The following DIO2 variants were observed in gnomAD, a reference collection of about 807,000 sequenced individuals.
The protein encoded by DIO2 is type II iodothyronine deiodinase.
Under a neutral mutation model 21.4 loss-of-function variants are expected in DIO2, and 19 were observed. The observed-to-expected ratio is 0.89, with a 90% CI of 0.62 to 1.30. The LOEUF is 1.30. Ranked by LOEUF, DIO2 falls within the 50% of genes most tolerant of loss-of-function variation. DIO2 has a pLI of 0.00. For missense variants in DIO2, 302 were observed against 338.1 expected (o/e 0.89, Z 0.84); for synonymous variants, 122 against 132.9 (o/e 0.92, Z 0.57).
chr14:80,216,245 T>C (rs1888350612), upstream of DIO2: 1 of 152,092 alleles, frequency 6.6e-6, no homozygotes, highest in South Asian at 2.1e-4. Context: ...TGGTAGGAGA[T>C]AGGCAGGGAA....
In DIO2 at chr14:80,202,375, C is replaced by T. The variant is rs752203998; in HGVS notation, c.*314G>A. On this transcript the variant is annotated 3_prime_UTR_variant, in exon 2 of 2. Transcript: ENST00000438257. ...TAAGTCTTTTCTTCTGGTCTCAAAG[C>T]ATGCATCAGATGTATCAGTTCCTTC... is the stretch of plus-strand genomic sequence containing the variant. The T allele has an allele frequency of 6.7e-6, 4 of 598,028 alleles. No homozygotes were observed. Among genetic ancestry groups the T allele is most frequent in the South Asian group, 4.1e-5 (3 of 72,310 alleles). The allele number at this position is 598,028 out of a possible 1,614,324, so 37.0% of individuals were successfully genotyped here. A position where few individuals can be genotyped will look rare whatever the true frequency, so the allele number is the denominator to read the frequency against.
At chr14:80,219,618 A>C (rs1176562257) in intron 2 of DIO2, 1 of 152,088 alleles carries the variant, frequency 6.6e-6, no homozygotes, top group Non-Finnish European at 1.5e-5. Context: ...GAGTCTCAAA[A>C]ATGTTTAGAG....
At chr14:80,225,677 T>C (rs866229134) in intron 2 of DIO2, among the ~76,000 whole-genome samples, 11 of 152,196 alleles carry the variant, frequency 7.2e-5, no homozygotes, top group African/African-American at 2.7e-4. Context: ...GGGTTTTTTT[T>C]CCTGGTGAAG....
At position 80,201,462 on chromosome 14, in the gene DIO2, G is replaced by A. The variant is rs747626833; in HGVS notation, c.*1227C>T. 8 of 152,178 alleles carry A rather than the reference G, an allele frequency of 5.3e-5. No homozygotes were observed. The highest frequency in any genetic ancestry group is 2.1e-4 in the South Asian group (1 of 4,818). The allele number at this position is 152,178 out of a possible 1,614,324, so 9.4% of individuals were successfully genotyped here. ...TGAATGGCCATGGTACCTACCTCCCGCAGCAGCTGAGAATATATATACATA... is the reference window on the plus strand; with the variant it reads ...TGAATGGCCATGGTACCTACCTCCCACAGCAGCTGAGAATATATATACATA... On this transcript the variant is annotated 3_prime_UTR_variant, in exon 2 of 2. Transcript: ENST00000438257.
At chr14:80,213,960 G>A (rs1287721993), upstream of DIO2, among the ~76,000 whole-genome samples, 3 of 152,116 alleles carry the variant, frequency 2.0e-5, no homozygotes, top group Non-Finnish European at 4.4e-5. Context: ...CCTTCCCTAT[G>A]ACTAGCATAC....
At chr14:80,211,703 C>T (rs998741677), upstream of DIO2, 26 of 294,060 alleles carry the variant, frequency 8.8e-5, no homozygotes, top group Non-Finnish European at 1.5e-4. Context: ...TTGGAGTGTG[C>T]CCATCAATTC....
At position 80,202,744 on chromosome 14, in the gene DIO2, T is replaced by C. The variant is rs1299537745; in HGVS notation, c.767A>G (p.His256Arg). ...PFSYNLQEVR[H>R]WLEKNFSKRU... is the part of the protein sequence containing the mutation. ...CTTGCTGAAATTCTTCTCCAGCCAA[T>C]GCCGGACTTCTTGAAGGTTGTAGGA... The change falls in exon 2 of 2, where the codon CAT (histidine) becomes CGT (arginine). Residue 256 changes from histidine to arginine, a missense_variant. By Grantham distance (29) the His-to-Arg change is conservative (BLOSUM62 0). Transcript: ENST00000438257. 1.9e-6 allele frequency: 3 copies of C among 1,613,850 alleles called. No individual in the cohort carries two copies. The highest frequency in any genetic ancestry group is 2.5e-6 in the Non-Finnish European group (3 of 1,179,866).
intron 2 of DIO2, among the ~76,000 whole-genome samples, chr14:80,221,370 G>A (rs1474690994): frequency 6.6e-6 from 1 of 152,152 alleles, no homozygotes; most frequent in Non-Finnish European, 1.5e-5. Flanking sequence ...AGAAACCAAT[G>A]TTTTGTCTGA....
chr14:80,221,928 C>G lies in DIO2; in HGVS notation c.-277-5191G>C, dbSNP rs191437113. 5.0e-3 allele frequency among the ~76,000 whole-genome samples: 756 copies of G among 152,218 alleles called. 6 individuals carry two copies. Among genetic ancestry groups the G allele is most frequent in the African/African-American group, 0.017 (708 of 41,530 alleles). On this transcript the variant is annotated intron_variant, in intron 2 of 4. Transcript: ENST00000553594. The stretch of plus-strand genomic sequence containing the variant: ...ATCTGTCATCTTCTCAACTATTTAC[C>G]ATTCCAGAACAATCCCAAGCCCAGA...
intron 2 of DIO2, among the ~76,000 whole-genome samples, chr14:80,224,153 T>C (rs1438399751): frequency 1.3e-5 from 2 of 152,294 alleles, no homozygotes; most frequent in East Asian, 3.9e-4. Context: ...CTACCACTAT[T>C]AGATTCATTT....
rs568597358 is a variant in DIO2, at chr14:80,218,259, C to A, written c.-277-1522G>T. ...CAAACAAAAAAAAAACAGATCCTGG[C>A]AGGCAGGCCACATATTATTTTTAGT... On this transcript the variant is annotated intron_variant, in intron 2 of 4. Coordinates refer to the DIO2 transcript ENST00000553594. Among the ~76,000 whole-genome samples, 12 of 152,004 alleles carry A rather than the reference C, an allele frequency of 7.9e-5. No individual in the cohort carries two copies. In the East Asian group the frequency reaches 2.1e-3, roughly 27 times the overall value.
chr14:80,222,578 C>CA (rs1398408870), intron 2 of DIO2, among the ~76,000 whole-genome samples: 2 of 152,042 alleles, frequency 1.3e-5, no homozygotes, highest in Non-Finnish European at 2.9e-5. Flanking sequence ...CTTGAAAATG[C>CA]AAAAAATTTC....
In DIO2 at chr14:80,200,914, A is replaced by C. The variant is rs997201946; in HGVS notation, c.*1775T>G. On this transcript the variant is annotated 3_prime_UTR_variant, in exon 2 of 2. Coordinates refer to ENST00000438257, the MANE Select transcript of DIO2 (RefSeq NM_013989.5). ...ACAACTAGTTTAAGAATGTATTTTC[A>C]ACTTTAGTTTTTTTCTATCCATTTT... The C allele has an allele frequency of 1.1e-4, 16 of 152,102 alleles. No individual in the cohort carries two copies. The highest frequency in any genetic ancestry group is 9.2e-4 in the Admixed American group (14 of 15,252). 9.4% of individuals were successfully genotyped at this position (152,102 alleles called of 1,614,324 possible). A position where few individuals can be genotyped will look rare whatever the true frequency, so the allele number is the denominator to read the frequency against.
chr14:80,212,583 C>T (rs1888250517), upstream of DIO2, among the ~76,000 whole-genome samples: 1 of 152,168 alleles, frequency 6.6e-6, no homozygotes. Context: ...AGAGTTATCA[C>T]AGGCGGTCTT....
chr14:80,227,867 C>G (rs1888606727), intron 2 of DIO2, among the ~76,000 whole-genome samples: 1 of 152,172 alleles, frequency 6.6e-6, no homozygotes, highest in African/African-American at 2.4e-5. Context: ...CAAATAGACC[C>G]ACTAGGCGTT....
At position 80,199,678 on chromosome 14, in the gene DIO2, G is replaced by A. The variant is rs1049594950; in HGVS notation, c.*3011C>T. On this transcript the variant is annotated 3_prime_UTR_variant, in exon 2 of 2. Transcript: ENST00000438257. ...TAAGTCTTTCAAACAATAAGTGTTT[G>A]AGTAGACCCAGATGTTATGATAATA... 6.6e-6 allele frequency: 1 copy of A among 152,576 alleles called. No homozygotes were observed. The highest frequency in any genetic ancestry group is 2.4e-5 in the African/African-American group (1 of 41,418). The allele number at this position is 152,576 out of a possible 1,614,324, so 9.5% of individuals were successfully genotyped here.
intron 2 of DIO2, chr14:80,219,601 T>A (rs1032015699): frequency 6.7e-6 from 1 of 149,468 alleles, no homozygotes; most frequent in East Asian, 2.0e-4. Flanking sequence ...GCATTGAAAA[T>A]GATCCTGAGT....
chr14:80,198,191 A>G lies in DIO2; in HGVS notation c.*4498T>C, dbSNP rs1177722831. ...TTTGAGCCAAAATAGTGACTTCATTAAACATCTGCTGGGTCTTCGAAGTCT... is the reference window on the plus strand; with the variant it reads ...TTTGAGCCAAAATAGTGACTTCATTGAACATCTGCTGGGTCTTCGAAGTCT... On this transcript the variant is annotated 3_prime_UTR_variant, in exon 2 of 2. Transcript: ENST00000438257. 6.6e-6 allele frequency: 1 copy of G among 152,594 alleles called. No individual in the cohort carries two copies. The highest frequency in any genetic ancestry group is 2.4e-5 in the African/African-American group (1 of 41,426). 9.5% of individuals were successfully genotyped at this position (152,594 alleles called of 1,614,324 possible).
chr14:80,211,140 C>T (rs903064028), intron 1 of DIO2, 111 bp downstream of exon 1: 2 of 1,064,932 alleles, frequency 1.9e-6, no homozygotes, highest in Non-Finnish European at 2.7e-6. Context: ...GGCAACCCCA[C>T]AAATAGGGCT....
Sources: gnomAD v4.1 joint callset for allele counts (sites outside exome capture counted in the v4.1 genomes callset) on GRCh38, gnomAD v4.1.1 for gene constraint, MANE v1.5 for transcripts, NCBI Gene and HGNC (gene_info 2026-07-23, HGNC 2026-07-21) for gene names.